The following SLC15A5 variants were observed in gnomAD, a reference collection of about 807,000 sequenced individuals.
SLC15A5 encodes the protein solute carrier family 15 member 5.
A neutral mutation model predicts 56.1 loss-of-function variants in SLC15A5; 58 were observed. The observed-to-expected ratio is 1.03, with a 90% CI of 0.84 to 1.29. The LOEUF (loss-of-function observed/expected upper bound fraction) is 1.29. Among genes scored for constraint, SLC15A5 ranks in the 50% most tolerant of loss-of-function variants. The pLI is 0.00. For missense variants in SLC15A5, 681 were observed against 672.1 expected, an observed-to-expected ratio of 1.01 and a Z score of -0.15; for synonymous variants, 264 against 250.5, an observed-to-expected ratio of 1.05 and a Z score of -0.51.
intron 2 of SLC15A5, among the ~76,000 whole-genome samples, chr12:16,270,960 A>G (rs1044715883): frequency 6.6e-6 from 1 of 152,234 alleles, no homozygotes; most frequent in Non-Finnish European, 1.5e-5. Flanking sequence ...TCACATTAAA[A>G]AATAACAGCC....
Position 16,189,537 on chromosome 12 carries a change from A to T in SLC15A5, c.*131T>A, listed in dbSNP as rs1863820119. ...AATTCATAATTAGTCTTTGTAAATA[A>T]AGTATACAGATGATATTTGTAAAAT... is the stretch of plus-strand genomic sequence containing the variant. On this transcript the variant is annotated 3_prime_UTR_variant, in exon 9 of 9. Transcript: ENST00000344941. The T allele has an allele frequency of 4.3e-6, 3 of 692,572 alleles. No individual in the cohort carries two copies. Among genetic ancestry groups the T allele is most frequent in the Non-Finnish European group, 6.1e-6 (3 of 491,680 alleles). The allele number at this position is 692,572 out of a possible 1,614,324, so 42.9% of individuals were successfully genotyped here.
intron 3 of SLC15A5, among the ~76,000 whole-genome samples, chr12:16,257,368 A>T (rs760660414): frequency 4.6e-5 from 7 of 152,196 alleles, no homozygotes; most frequent in African/African-American, 7.2e-5. Flanking sequence ...GGTGAGGTTC[A>T]TGTATAGTCT....
intron 5 of SLC15A5, among the ~76,000 whole-genome samples, chr12:16,232,606 A>T (rs1488495201): frequency 6.6e-6 from 1 of 152,190 alleles, no homozygotes; most frequent in African/African-American, 2.4e-5. Context: ...TAACACAAGG[A>T]TAAGCATCAG....
chr12:16,193,103 G>A (rs552296591), intron 8 of SLC15A5, among the ~76,000 whole-genome samples: 2 of 152,064 alleles, frequency 1.3e-5, no homozygotes, highest in Non-Finnish European at 2.9e-5. Context: ...TGTGTCTGGA[G>A]GCAGTAGATG....
At chr12:16,200,327 G>C (rs1397049985) in intron 7 of SLC15A5, among the ~76,000 whole-genome samples, 2 of 151,596 alleles carry the variant, frequency 1.3e-5, no homozygotes, top group Admixed American at 6.6e-5. Context: ...TTTTTATATT[G>C]ATAAAAAACA....
intron 5 of SLC15A5, among the ~76,000 whole-genome samples, chr12:16,225,531 G>C (rs1338680424): frequency 6.6e-6 from 1 of 152,074 alleles, no homozygotes; most frequent in Non-Finnish European, 1.5e-5. Context: ...TACAGAATGG[G>C]AGAAAATTTT....
rs1863816350 is a variant in SLC15A5 at position 16,189,202 on chromosome 12, T to C, written c.*466A>G. 1.3e-5 allele frequency: 2 copies of C among 152,220 alleles called. No homozygotes were observed. Among genetic ancestry groups the C allele is most frequent in the African/African-American group, 4.8e-5 (2 of 41,464 alleles). The allele number at this position is 152,220 out of a possible 1,614,324, so 9.4% of individuals were successfully genotyped here. ...AAATATAGAAAATCATGTATATGTTTATTATTTACTCAGTTATATACAGTA... is the reference window on the plus strand; with the variant it reads ...AAATATAGAAAATCATGTATATGTTCATTATTTACTCAGTTATATACAGTA... On this transcript the variant is annotated 3_prime_UTR_variant, in exon 9 of 9. Coordinates refer to ENST00000344941, the MANE Select transcript of SLC15A5 (RefSeq NM_001170798.1).
At chr12:16,203,644 C>CCGGGCG (rs1222266670) in intron 7 of SLC15A5, among the ~76,000 whole-genome samples, 1 of 152,042 alleles carries the variant, frequency 6.6e-6, no homozygotes, top group Non-Finnish European at 1.5e-5. Context: ...AATAAGATAT[C>CCGGGCG]CTCATTAAGA....
rs573816829 is a variant in SLC15A5, at chr12:16,234,112, G to A, written c.1162+5569C>T. On this transcript the variant is annotated intron_variant, in intron 5 of 8. Coordinates refer to ENST00000344941, the MANE Select transcript of SLC15A5 (RefSeq NM_001170798.1). ...GTGCTGGTAGGGTTGGTTGTCTGGG[G>A]AGGGCTGCTTTCTGCTTCCAAGATG... Among the ~76,000 whole-genome samples the A allele has an allele frequency of 2.0e-5, 3 of 152,304 alleles. No homozygotes were observed. In the East Asian group the frequency reaches 5.8e-4, roughly 29 times the overall value.
At chr12:16,233,263 AT>A (rs1041122210) in intron 5 of SLC15A5, among the ~76,000 whole-genome samples, 2 of 151,988 alleles carry the variant, frequency 1.3e-5, no homozygotes, top group South Asian at 2.1e-4. Context: ...AAGCATCACT[AT>A]TTTTTTTCTC....
intron 2 of SLC15A5, among the ~76,000 whole-genome samples, chr12:16,272,314 T>G (rs1406346416): frequency 6.6e-6 from 1 of 152,148 alleles, no homozygotes; most frequent in African/African-American, 2.4e-5. Flanking sequence ...GACAAGGCAC[T>G]TCAAATCTTT....
chr12:16,230,329 T>C (rs1162918181), intron 5 of SLC15A5, among the ~76,000 whole-genome samples: 1 of 152,128 alleles, frequency 6.6e-6, no homozygotes, highest in East Asian at 1.9e-4. Flanking sequence ...AACAACCCAC[T>C]GTTGATGAGT....
chr12:16,274,141 T>A (rs1864791325), intron 1 of SLC15A5, among the ~76,000 whole-genome samples: 1 of 151,990 alleles, frequency 6.6e-6, no homozygotes, highest in Non-Finnish European at 1.5e-5. Context: ...TATTTTTAAA[T>A]GAATACTGTA....
At chr12:16,227,255 ATAT>A (rs1864251646) in intron 5 of SLC15A5, among the ~76,000 whole-genome samples, 2 of 152,316 alleles carry the variant, frequency 1.3e-5, no homozygotes, top group South Asian at 4.1e-4. Context: ...CACATTTCAC[ATAT>A]TATCTGATTT....
At chr12:16,217,548 C>T (rs1864142130) in intron 6 of SLC15A5, among the ~76,000 whole-genome samples, 1 of 152,154 alleles carries the variant, frequency 6.6e-6, no homozygotes, top group African/African-American at 2.4e-5. Context: ...ACTTTCCAGC[C>T]TCAATGTCCT....
chr12:16,248,668 A>C (rs1386038093), intron 3 of SLC15A5, among the ~76,000 whole-genome samples: 1 of 152,156 alleles, frequency 6.6e-6, no homozygotes, highest in African/African-American at 2.4e-5. Flanking sequence ...TCTAAACATC[A>C]TACCACTTCC....
At chr12:16,193,338 T>A (rs4290282) in intron 8 of SLC15A5, among the ~76,000 whole-genome samples, 72,842 of 151,546 alleles carry the variant, frequency 0.48, 17,942 homozygotes, top group South Asian at 0.72. Flanking sequence ...TAATTTTGTT[T>A]TCAATTCTGC....
chr12:16,197,997 G>T (rs555093160), intron 7 of SLC15A5, among the ~76,000 whole-genome samples: 1 of 152,238 alleles, frequency 6.6e-6, no homozygotes, highest in African/African-American at 2.4e-5. Flanking sequence ...AACTTCTCCA[G>T]ATCGCAGGAT....
Position 16,224,487 on chromosome 12 carries a change from G to A in SLC15A5, c.1278C>T (p.Ser426=). The stretch of plus-strand genomic sequence containing the variant: ...GAATCAGGTAGAAACAGGGCATGGA[G>A]GAAACAGTGAGAACTTTTCCTGAAA... ...QPLSGKVLTV[S]SMPCFYLILQ... Residue 426 remains serine, a synonymous_variant, in exon 6 of 9, where the codon TCC becomes TCT. Coordinates refer to ENST00000344941, the MANE Select transcript of SLC15A5 (RefSeq NM_001170798.1). 6.5e-7 allele frequency: 1 copy of A among 1,537,250 alleles called. No individual in the cohort carries two copies. The highest frequency in any genetic ancestry group is 8.7e-7 in the Non-Finnish European group (1 of 1,146,908).
Sources: gnomAD v4.1 joint callset for allele counts (sites outside exome capture counted in the v4.1 genomes callset) on GRCh38, gnomAD v4.1.1 for gene constraint, MANE v1.5 for transcripts, NCBI Gene and HGNC (gene_info 2026-07-23, HGNC 2026-07-21) for gene names.